Variants in PTCH1 observed in about 807,000 individuals in gnomAD.
PTCH1 encodes protein patched homolog 1.
Under a neutral mutation model 144.6 loss-of-function variants are expected in PTCH1, and 14 were observed. That is an observed-to-expected ratio of 0.10 (90% CI 0.06 to 0.15). The LOEUF (loss-of-function observed/expected upper bound fraction) is 0.15, where lower values mean the gene tolerates loss of function less well. Among genes scored for constraint, PTCH1 ranks in the 10% least tolerant of loss-of-function variants. The pLI, the probability that PTCH1 is intolerant of heterozygous loss-of-function variation, is 1.00. For synonymous variants in PTCH1, 833 were observed against 793.6 expected, an observed-to-expected ratio of 1.05 and a Z score of -0.83; for missense variants, 1,623 against 1,948.3, an observed-to-expected ratio of 0.83 and a Z score of 3.14.
In PTCH1 at chr9:95,468,824, G is replaced by C. The variant is rs587780697; in HGVS notation, c.2177C>G (p.Pro726Arg). 9.5e-5 allele frequency: 153 copies of C among 1,614,022 alleles called. No individual in the cohort carries two copies. The highest frequency in any genetic ancestry group is 2.7e-5 in the African/African-American group (2 of 74,908). The change falls in exon 14 of 24, where the codon CCC (proline) becomes CGC (arginine). Residue 726 changes from proline (P) to arginine (R), a missense_variant. By Grantham distance (103) the Pro-to-Arg change is moderately radical. Transcript: ENST00000331920. ...SDSSLHCLEP[P>R]CTKWTLSSFA... ...AGATGAGAGTGTCCACTTCGTACAG[G>C]GGGGCTCGAGGCAGTGGAGGCTGGA...
At chr9:95,456,139 C>T (rs938175636) in intron 19 of PTCH1, 137 bp downstream of exon 19, 2 of 1,321,252 alleles carry the variant, frequency 1.5e-6, no homozygotes, top group African/African-American at 1.5e-5. Flanking sequence ...TGCAGGCTCT[C>T]CTAGGGGGCC....
At chr9:95,477,490 G>T (rs1314267837) in intron 10 of PTCH1, 57 bp downstream of exon 10, 1 of 1,612,280 alleles carries the variant, frequency 6.2e-7, no homozygotes, top group African/African-American at 1.3e-5. Context: ...GCTGGGCCAA[G>T]CCTGGGGGCC....
chr9:95,516,409 C>G, intron 1 of PTCH1: 2 of 1,287,072 alleles, frequency 1.6e-6, no homozygotes, highest in South Asian at 2.5e-5. Flanking sequence ...CCGCGCCGCC[C>G]GAGGAGCACG....
At chr9:95,508,043 G>T in intron 1 of PTCH1, 118 bp downstream of exon 1, 1 of 791,590 alleles carries the variant, frequency 1.3e-6, no homozygotes, top group Non-Finnish European at 1.7e-6. Flanking sequence ...GTGTGAGTGA[G>T]TGTGTGTGTG....
rs373120584 is a variant in PTCH1, at chr9:95,459,690, C to T, written c.2797G>A (p.Ala933Thr). The T allele has an allele frequency of 5.6e-6, 9 of 1,614,164 alleles. No individual in the cohort carries two copies. The highest frequency in any genetic ancestry group is 4.5e-5 in the East Asian group (2 of 44,888). Residue 933 changes from alanine (A) to threonine (T), a missense_variant, in exon 17 of 24, where the codon GCG becomes ACG. By Grantham distance (58) the Ala-to-Thr change is moderately conservative. Around this residue, in one of 7 missense-constraint regions of PTCH1, gnomAD observed 504 missense variants for 679.3 expected, o/e 0.74. Transcript: ENST00000331920. Reference protein sequence around the residue: ...LTAWVSNDPVAYAASQANIRP... With the variant: ...LTAWVSNDPVTYAASQANIRP... ...ATGTTGGCCTGGGAGGCAGCATACG[C>T]GACGGGGTCGTTGCTGACCCAAGCC... is the stretch of plus-strand genomic sequence containing the variant.
At chr9:95,462,835 C>T (rs904058458) in intron 15 of PTCH1, among the ~76,000 whole-genome samples, 1 of 152,252 alleles carries the variant, frequency 6.6e-6, no homozygotes, top group Non-Finnish European at 1.5e-5. Context: ...CCACACACAG[C>T]TGCGCTTGGC....
chr9:95,479,127 A>G lies in PTCH1; in HGVS notation c.1088T>C (p.Met363Thr). The G allele has an allele frequency of 6.2e-7, 1 of 1,614,150 alleles. No individual in the cohort carries two copies. Among genetic ancestry groups the G allele is most frequent in the South Asian group, 1.1e-5 (1 of 91,082 alleles). ...TTGCTTGGGAGTCATTAACTGGAAC[A>G]TGGTCTGCAGGGCATGGGCGCTGCA... Reference protein sequence around the residue: ...KLVSAHALQTMFQLMTPKQMY... With the variant: ...KLVSAHALQTTFQLMTPKQMY... Residue 363 changes from methionine (M) to threonine (T), a missense_variant, in exon 8 of 24, where the codon ATG becomes ACG. Around this residue, in one of 7 missense-constraint regions of PTCH1, gnomAD observed 230 missense variants for 271.0 expected, o/e 0.85. Coordinates refer to ENST00000331920, the MANE Select transcript of PTCH1 (RefSeq NM_000264.5).
chr9:95,453,283 C>A, intron 20 of PTCH1, 195 bp downstream of exon 20: 1 of 699,406 alleles, frequency 1.4e-6, no homozygotes, highest in South Asian at 1.7e-5. Flanking sequence ...AGGCACCCAC[C>A]ACCACGCCCG....
chr9:95,485,905 A>G, intron 2 of PTCH1, 31 bp from the exon 3 acceptor site: 3 of 1,612,218 alleles, frequency 1.9e-6, no homozygotes, highest in Non-Finnish European at 2.5e-6. Flanking sequence ...TAATTAGAAT[A>G]GCAAAATCAC....
At chr9:95,513,513 G>A (rs1280918527), upstream of PTCH1, among the ~76,000 whole-genome samples, 2 of 152,176 alleles carry the variant, frequency 1.3e-5, no homozygotes, top group East Asian at 3.8e-4. Context: ...GATACAGGAT[G>A]TGAGTGATGG....
intron 15 of PTCH1, among the ~76,000 whole-genome samples, chr9:95,464,225 C>T (rs993115354): frequency 6.6e-6 from 1 of 152,168 alleles, no homozygotes; most frequent in African/African-American, 2.4e-5. Flanking sequence ...TGACTAATCA[C>T]CAAAAAGCTC....
chr9:95,477,463 C>T lies in PTCH1; in HGVS notation c.1503+84G>A, dbSNP rs748301350. On this transcript the variant is annotated intron_variant, in intron 10 of 23. Transcript: ENST00000331920. Reference sequence around the variant, plus strand: ...AGACCCTTCCGGTGAGAAGGACACACAGCACACAGGAGGCTGGCTGGGCCA... The same window carrying T: ...AGACCCTTCCGGTGAGAAGGACACATAGCACACAGGAGGCTGGCTGGGCCA... The T allele has an allele frequency of 2.6e-5, 41 of 1,574,552 alleles. No individual in the cohort carries two copies. In the African/African-American group the frequency reaches 3.4e-4, roughly 13 times the overall value.
At chr9:95,471,103 GAA>G in intron 12 of PTCH1, among the ~76,000 whole-genome samples, 1 of 151,442 alleles carries the variant, frequency 6.6e-6, no homozygotes, top group South Asian at 2.1e-4. Flanking sequence ...AAGAAAGAAA[GAA>G]AGAAAGAAAA....
chr9:95,490,615 T>C (rs1842330721), intron 2 of PTCH1, among the ~76,000 whole-genome samples: 1 of 146,824 alleles, frequency 6.8e-6, no homozygotes, highest in Non-Finnish European at 1.5e-5. Flanking sequence ...ACAAACTCAA[T>C]GCAAAAAAAA....
Position 95,506,438 on chromosome 9 carries a change from G to A in PTCH1, c.363C>T (p.Leu121=), listed in dbSNP as rs1168138539. 13 of 1,612,496 alleles carry A rather than the reference G, an allele frequency of 8.1e-6. No individual in the cohort carries two copies. In the South Asian group the frequency reaches 1.2e-4, roughly 15 times the overall value. The change falls in exon 2 of 24, where the codon CTC becomes CTT. Residue 121 remains leucine (L), a synonymous_variant. Coordinates refer to ENST00000331920, the MANE Select transcript of PTCH1 (RefSeq NM_000264.5). ...CCCACAGCTCCTCCACGTTGGTCTC[G>A]AGGTTCGCTGCTTTTAATCCCACCG... is the stretch of plus-strand genomic sequence containing the variant. ...AFAVGLKAAN[L]ETNVEELWVE...
intron 2 of PTCH1, chr9:95,494,395 C>G (rs1842655560): frequency 7.1e-6 from 7 of 985,518 alleles, no homozygotes; most frequent in South Asian, 4.7e-5. Context: ...CAGGAGGCCC[C>G]TTCTTCATTG....
intron 12 of PTCH1, among the ~76,000 whole-genome samples, chr9:95,472,751 T>A (rs893485612): frequency 6.6e-6 from 1 of 152,166 alleles, no homozygotes; most frequent in Non-Finnish European, 1.5e-5. Flanking sequence ...CCAAGCAGCG[T>A]CCCATCTTAC....
chr9:95,499,519 G>C lies in PTCH1; in HGVS notation c.394+6888C>G, dbSNP rs116437291. Among the ~76,000 whole-genome samples the C allele has an allele frequency of 9.4e-3, 1,421 of 151,868 alleles. 23 individuals carry two copies. The highest frequency in any genetic ancestry group is 0.033 in the African/African-American group (1,364 of 41,380). Reference sequence around the variant, plus strand: ...GCAGGAGGGAAGGGGGCAGGGGAGAGAGGGAGGAGGCAGCAGAGGTTCTGG... The same window carrying C: ...GCAGGAGGGAAGGGGGCAGGGGAGACAGGGAGGAGGCAGCAGAGGTTCTGG... On this transcript the variant is annotated intron_variant, in intron 2 of 23. Coordinates refer to ENST00000331920, the MANE Select transcript of PTCH1 (RefSeq NM_000264.5).
At chr9:95,456,885 G>A (rs1347851316) in intron 18 of PTCH1, among the ~76,000 whole-genome samples, 1 of 152,120 alleles carries the variant, frequency 6.6e-6, no homozygotes, top group African/African-American at 2.4e-5. Flanking sequence ...TGATAGGACG[G>A]GGTGAATAAA....
Sources: allele counts gnomAD v4.1 joint callset (sites outside exome capture counted in the v4.1 genomes callset), GRCh38; gene constraint gnomAD v4.1.1; regional missense constraint gnomAD v4.1.1; transcripts MANE v1.5; gene names NCBI Gene and HGNC (gene_info 2026-07-23, HGNC 2026-07-21).